Variants in NEDD4L observed in about 807,000 individuals in gnomAD.
NEDD4L encodes NEDD4 like E3 ubiquitin protein ligase.
NEDD4L carries 54 observed loss-of-function variants against 148.9 expected under a neutral mutation model. That is an observed-to-expected ratio of 0.36 (90% CI 0.29 to 0.45). NEDD4L has a LOEUF of 0.45. Ranked by LOEUF, NEDD4L falls within the 20% of genes least tolerant of loss-of-function variation. The probability of loss-of-function intolerance (pLI) is 1.00; values close to 1 mark genes in which losing one functional copy is unlikely to be tolerated. For synonymous variants in NEDD4L, 433 were observed against 440.7 expected (o/e 0.98, Z 0.22); for missense variants, 856 against 1,233.8 (o/e 0.69, Z 4.59).
At chr18:58,085,604 AC>A (rs1167491997) in intron 1 of NEDD4L, among the ~76,000 whole-genome samples, 1 of 152,292 alleles carries the variant, frequency 6.6e-6, no homozygotes, top group East Asian at 1.9e-4. Flanking sequence ...ACAGTTTTGA[AC>A]CTTATTTATA....
At chr18:58,084,005 A>G (rs2083613021) in intron 1 of NEDD4L, among the ~76,000 whole-genome samples, 1 of 152,208 alleles carries the variant, frequency 6.6e-6, no homozygotes, top group South Asian at 2.1e-4. Flanking sequence ...TGCTGGGATT[A>G]CAGGCGTGAG....
chr18:58,137,705 G>GC (rs1568269553), intron 1 of NEDD4L, among the ~76,000 whole-genome samples: 1 of 151,352 alleles, frequency 6.6e-6, no homozygotes, highest in Non-Finnish European at 1.5e-5. Flanking sequence ...TTAAGGATTT[G>GC]TTTTTTTTTC....
intron 1 of NEDD4L, among the ~76,000 whole-genome samples, chr18:58,122,166 A>T (rs1016616676): frequency 3.3e-5 from 5 of 152,186 alleles, no homozygotes; most frequent in Non-Finnish European, 7.3e-5. Flanking sequence ...CCACAACCTG[A>T]TGGCAGGGTT....
chr18:58,325,250 A>G, intron 9 of NEDD4L, 88 bp downstream of exon 9: 1 of 1,472,636 alleles, frequency 6.8e-7, no homozygotes, highest in Non-Finnish European at 9.4e-7. Context: ...AAGGCTGGGA[A>G]ATAAATCATA....
chr18:58,138,548 A>G (rs2033130926), intron 1 of NEDD4L, among the ~76,000 whole-genome samples: 1 of 152,100 alleles, frequency 6.6e-6, no homozygotes, highest in African/African-American at 2.4e-5. Flanking sequence ...TCCTTGGCTG[A>G]GGGACAGTGT....
intron 9 of NEDD4L, among the ~76,000 whole-genome samples, chr18:58,325,383 A>G (rs943736851): frequency 2.6e-5 from 4 of 152,354 alleles, no homozygotes; most frequent in Middle Eastern, 3.4e-3. Context: ...GCTGTTTTCA[A>G]TATGAGCTGA....
chr18:58,114,793 T>C (rs2085675816), intron 1 of NEDD4L, among the ~76,000 whole-genome samples: 1 of 152,194 alleles, frequency 6.6e-6, no homozygotes, highest in South Asian at 2.1e-4. Context: ...GCAGGACATC[T>C]AGCAGCCTCA....
At chr18:58,087,997 T>C (rs959022963) in intron 1 of NEDD4L, among the ~76,000 whole-genome samples, 4 of 152,258 alleles carry the variant, frequency 2.6e-5, no homozygotes, top group African/African-American at 9.6e-5. Context: ...GCAGTCATTA[T>C]GCCCGCTAGG....
intron 13 of NEDD4L, 182 bp from the exon 14 acceptor site, chr18:58,340,856 A>G (rs574587149): frequency 3.9e-5 from 24 of 615,204 alleles, no homozygotes; most frequent in Admixed American, 2.7e-4. Flanking sequence ...TTCATTTCAC[A>G]GTAGATTTGA....
At chr18:58,059,688 C>T (rs982446547) in intron 1 of NEDD4L, among the ~76,000 whole-genome samples, 18 of 152,140 alleles carry the variant, frequency 1.2e-4, no homozygotes, top group East Asian at 3.9e-4. Flanking sequence ...GCTACAGAAA[C>T]AAACTCACCT....
At chr18:58,315,613 A>G (rs2058172950) in intron 5 of NEDD4L, among the ~76,000 whole-genome samples, 1 of 152,124 alleles carries the variant, frequency 6.6e-6, no homozygotes, top group South Asian at 2.1e-4. Context: ...TTAGCATTGG[A>G]TCAGTAAACA....
chr18:58,240,871 G>A (rs1201093282), intron 2 of NEDD4L, among the ~76,000 whole-genome samples: 1 of 152,098 alleles, frequency 6.6e-6, no homozygotes, highest in Non-Finnish European at 1.5e-5. Flanking sequence ...GTGCAGTGGT[G>A]CAATCTTGGC....
At chr18:58,211,903 G>C (rs530252706) in intron 2 of NEDD4L, among the ~76,000 whole-genome samples, 1 of 152,144 alleles carries the variant, frequency 6.6e-6, no homozygotes, top group African/African-American at 2.4e-5. Context: ...GGCATAACCA[G>C]TTCTTTATCT....
At chr18:58,178,611 A>G (rs2038448754) in intron 2 of NEDD4L, among the ~76,000 whole-genome samples, 1 of 152,240 alleles carries the variant, frequency 6.6e-6, no homozygotes, top group Non-Finnish European at 1.5e-5. Flanking sequence ...AGGAATCTGC[A>G]ATGTGTAACT....
intron 19 of NEDD4L, chr18:58,359,922 T>C (rs1382037879): frequency 6.6e-6 from 1 of 152,238 alleles, no homozygotes; most frequent in Non-Finnish European, 1.5e-5. Context: ...GTAATATCTC[T>C]TAGTCTTTGA....
intron 24 of NEDD4L, among the ~76,000 whole-genome samples, chr18:58,378,633 C>A (rs1359503394): frequency 1.3e-5 from 2 of 152,162 alleles, no homozygotes; most frequent in Non-Finnish European, 2.9e-5. Context: ...TGAGGAAGGC[C>A]TGGTTGGTGG....
intron 2 of NEDD4L, among the ~76,000 whole-genome samples, chr18:58,209,857 A>G (rs2147682499): frequency 6.6e-6 from 1 of 152,262 alleles, no homozygotes; most frequent in East Asian, 1.9e-4. Context: ...AAATCATCCT[A>G]ACTTAGAACT....
At chr18:58,376,231 A>G (rs965472762) in intron 24 of NEDD4L, among the ~76,000 whole-genome samples, 7 of 152,230 alleles carry the variant, frequency 4.6e-5, no homozygotes, top group African/African-American at 1.7e-4. Flanking sequence ...CAGGCCTCTA[A>G]TAAATCTTCT....
In NEDD4L at chr18:58,390,673, C is replaced by A; in HGVS notation, c.2683C>A (p.Arg895Ser). 1 of 1,595,062 alleles carries A rather than the reference C, an allele frequency of 6.3e-7. No homozygotes were observed. The highest frequency in any genetic ancestry group is 1.1e-5 in the South Asian group (1 of 87,506). Residue 895 changes from arginine (R) to serine (S), a missense_variant, in exon 29 of 31, where the codon CGT becomes AGT. Coordinates refer to ENST00000400345, the MANE Select transcript of NEDD4L (RefSeq NM_001144967.3). ...TGTGCTACTCATGGACGCCGAAAAG[C>A]GTATCCGGTTACTGCAGTTTGTCAC... ...KAVLLMDAEK[R>S]IRLLQFVTGT...
Sources: allele counts gnomAD v4.1 joint callset (sites outside exome capture counted in the v4.1 genomes callset), GRCh38; gene constraint gnomAD v4.1.1; transcripts MANE v1.5; gene names NCBI Gene and HGNC (gene_info 2026-07-23, HGNC 2026-07-21).